The following SEMA5B variants were observed in gnomAD, a reference collection of about 807,000 sequenced individuals.
SEMA5B encodes the protein semaphorin 5B.
In SEMA5B, 66 loss-of-function variants were observed where a neutral mutation model predicts 135.0. That is an observed-to-expected ratio of 0.49 (90% CI 0.40 to 0.60). The LOEUF is 0.60. SEMA5B is among the 20% of genes least tolerant of loss of function. SEMA5B has a pLI of 0.00. For synonymous variants in SEMA5B, 690 were observed against 639.5 expected (o/e 1.08, Z -1.19); for missense variants, 1,501 against 1,566.3 (o/e 0.96, Z 0.70).
intron 12 of SEMA5B, among the ~76,000 whole-genome samples, chr3:122,921,674 C>G (rs1938351215): frequency 6.6e-6 from 1 of 152,252 alleles, no homozygotes; most frequent in South Asian, 2.1e-4. Context: ...ATTTGCTAAG[C>G]ACACACTTCC....
At chr3:122,996,920 C>T (rs1942034467) in intron 1 of SEMA5B, among the ~76,000 whole-genome samples, 1 of 152,168 alleles carries the variant, frequency 6.6e-6, no homozygotes. Flanking sequence ...TGCAAACAGC[C>T]TCGCCAAGGG....
chr3:122,960,968 T>C (rs1160585786), intron 2 of SEMA5B, among the ~76,000 whole-genome samples, 172 bp downstream of exon 2: 1 of 152,206 alleles, frequency 6.6e-6, no homozygotes, highest in Non-Finnish European at 1.5e-5. Context: ...ATGGCCAATT[T>C]CATGTTATAT....
chr3:122,932,243 A>AATTTT (rs1939010573), intron 5 of SEMA5B, among the ~76,000 whole-genome samples: 1 of 85,380 alleles, frequency 1.2e-5, no homozygotes, highest in Non-Finnish European at 2.1e-5. Context: ...TCTCAATATG[A>AATTTT]TTTTTTTTTT....
intron 1 of SEMA5B, among the ~76,000 whole-genome samples, chr3:123,001,160 A>G (rs1207684924): frequency 6.6e-6 from 1 of 152,046 alleles, no homozygotes; most frequent in Non-Finnish European, 1.5e-5. Context: ...GAGACCATAA[A>G]CTCAGACAGC....
intron 1 of SEMA5B, among the ~76,000 whole-genome samples, chr3:123,011,891 G>C (rs1354142566): frequency 6.6e-6 from 1 of 152,200 alleles, no homozygotes; most frequent in African/African-American, 2.4e-5. Context: ...CAGCAAGACA[G>C]CGCTTCTGAA....
chr3:122,920,875 C>G (rs1490762995), intron 12 of SEMA5B, among the ~76,000 whole-genome samples: 2 of 152,190 alleles, frequency 1.3e-5, no homozygotes, highest in African/African-American at 4.8e-5. Flanking sequence ...CTTGCCTTCT[C>G]TCACACCAAC....
intron 1 of SEMA5B, among the ~76,000 whole-genome samples, chr3:122,967,894 CTT>C (rs1940939296): frequency 1.3e-5 from 2 of 152,350 alleles, no homozygotes; most frequent in South Asian, 4.1e-4. Flanking sequence ...GCTCTGCAGA[CTT>C]CTCTTTTGGC....
chr3:122,980,188 T>C (rs1175225327), intron 1 of SEMA5B, among the ~76,000 whole-genome samples: 1 of 152,176 alleles, frequency 6.6e-6, no homozygotes, highest in African/African-American at 2.4e-5. Context: ...TGGCCGGGCA[T>C]GGTGGCTCAC....
chr3:122,997,522 C>A (rs566616544), intron 1 of SEMA5B, among the ~76,000 whole-genome samples: 12 of 152,034 alleles, frequency 7.9e-5, no homozygotes, highest in South Asian at 2.1e-4. Context: ...GGCCTCTCCC[C>A]CCCCCGTCTC....
In SEMA5B at chr3:122,910,064, C is replaced by G; in HGVS notation, c.*79G>C. On this transcript the variant is annotated 3_prime_UTR_variant, in exon 23 of 23. Coordinates refer to ENST00000357599, the MANE Select transcript of SEMA5B (RefSeq NM_001031702.4). ...TTGGCCTAGTGCAGAGGGAGAAAAC[C>G]AAACTGGCTCCACTGTCCCATCTCC... 1.3e-6 allele frequency: 2 copies of G among 1,500,290 alleles called. No individual in the cohort carries two copies. Among genetic ancestry groups the G allele is most frequent in the Non-Finnish European group, 1.8e-6 (2 of 1,111,082 alleles). 92.9% of individuals were successfully genotyped at this position (1,500,290 alleles called of 1,614,324 possible).
chr3:122,931,557 A>G (rs983990347), intron 5 of SEMA5B, among the ~76,000 whole-genome samples: 1 of 152,240 alleles, frequency 6.6e-6, no homozygotes, highest in Non-Finnish European at 1.5e-5. Flanking sequence ...GTTTTATCAT[A>G]TATCAATCTT....
chr3:122,915,445 G>T lies in SEMA5B; in HGVS notation c.1983C>A (p.Cys661Ter). ...CLGPAIHIAN[C>*]SRNGAWTPWS... ...TAAACCCTGTCCTCACATACCTGGA[G>T]CAGTTGGCGATGTGGATGGCTGGCC... Residue 661 changes from cysteine to a stop codon, truncating the protein, a stop_gained, in exon 14 of 23, where the codon TGC (cysteine) becomes TGA (stop). Transcript: ENST00000357599. LOFTEE classifies it high-confidence loss of function. The T allele has an allele frequency of 6.2e-7, 1 of 1,609,930 alleles. No individual in the cohort carries two copies. Among genetic ancestry groups the T allele is most frequent in the Non-Finnish European group, 8.5e-7 (1 of 1,177,594 alleles).
chr3:122,937,135 G>C (rs955630029), intron 5 of SEMA5B, among the ~76,000 whole-genome samples: 4 of 151,988 alleles, frequency 2.6e-5, no homozygotes, highest in African/African-American at 9.7e-5. Flanking sequence ...AGGGAGAGTA[G>C]AGGAAGCTGG....
intron 2 of SEMA5B, among the ~76,000 whole-genome samples, chr3:122,956,531 GC>G (rs1190591959): frequency 6.6e-6 from 1 of 152,234 alleles, no homozygotes. Context: ...GAGGCCTGCA[GC>G]TACACAGCGA....
rs73856758 is a variant in SEMA5B at position 122,945,298 on chromosome 3, T to C, written c.329-1763A>G. ...TTGGTGACTATAGGTTGGCAAGAAT[T>C]GTCATGTAGTCACGATGGCTTTTGG... On this transcript the variant is annotated intron_variant, in intron 3 of 22. Transcript: ENST00000357599. Among the ~76,000 whole-genome samples, 1,134 of 152,308 alleles carry C rather than the reference T, an allele frequency of 7.4e-3. 11 individuals are homozygous for C. Among genetic ancestry groups the C allele is most frequent in the African/African-American group, 0.026 (1,089 of 41,570 alleles).
At chr3:122,979,129 G>A (rs902406608) in intron 1 of SEMA5B, among the ~76,000 whole-genome samples, 1 of 152,162 alleles carries the variant, frequency 6.6e-6, no homozygotes, top group Non-Finnish European at 1.5e-5. Flanking sequence ...GATGGGAGGC[G>A]GGGGAAGAAG....
At chr3:122,917,736 T>C (rs147135946) in intron 12 of SEMA5B, among the ~76,000 whole-genome samples, 2 of 152,090 alleles carry the variant, frequency 1.3e-5, no homozygotes, top group Non-Finnish European at 2.9e-5. Flanking sequence ...TCCAGAATAC[T>C]TAACTGTTGC....
In SEMA5B at chr3:122,912,286, CA is replaced by C; in HGVS notation, c.2781del (p.Gly929ValfsTer123). The C allele has an allele frequency of 6.2e-7, 1 of 1,612,128 alleles. No individual in the cohort carries two copies. The highest frequency in any genetic ancestry group is 8.5e-7 in the Non-Finnish European group (1 of 1,179,096). Reference sequence around the variant, plus strand: ...GAACGGGTGCGTTGATAGTGACCCCCACCACAGGAAGCTGAGCATGGAGACC... The same window carrying C: ...GAACGGGTGCGTTGATAGTGACCCCCCCACAGGAAGCTGAGCATGGAGACC... ...TSWSPCSASC[G>X]GGHYQRTRSC... On this transcript the variant is annotated frameshift_variant, in exon 19 of 23. Transcript: ENST00000357599. LOFTEE classifies it high-confidence loss of function.
chr3:122,966,733 C>T (rs1027452448), intron 1 of SEMA5B, among the ~76,000 whole-genome samples: 44 of 149,612 alleles, frequency 2.9e-4, no homozygotes, highest in Non-Finnish European at 2.1e-4. Context: ...TTTTTGTTTG[C>T]ATTTTTAGTA....
Sources: allele counts gnomAD v4.1 joint callset (sites outside exome capture counted in the v4.1 genomes callset), GRCh38; gene constraint gnomAD v4.1.1; transcripts MANE v1.5; gene names NCBI Gene and HGNC (gene_info 2026-07-23, HGNC 2026-07-21).